The following CYP19A1 variants were observed in gnomAD, a reference collection of about 807,000 sequenced individuals.
The protein encoded by CYP19A1 is cytochrome P450 family 19 subfamily A member 1.
CYP19A1 carries 32 observed loss-of-function variants against 44.4 expected under a neutral mutation model. The observed-to-expected ratio is 0.72, with a 90% CI of 0.54 to 0.97. The LOEUF (loss-of-function observed/expected upper bound fraction) is 0.97. CYP19A1 is among the 50% of genes least tolerant of loss of function. CYP19A1 has a pLI of 0.00. For synonymous variants in CYP19A1, 212 were observed against 215.6 expected, an observed-to-expected ratio of 0.98 and a Z score of 0.14; for missense variants, 598 against 637.8, an observed-to-expected ratio of 0.94 and a Z score of 0.67.
In CYP19A1 at chr15:51,242,829, G is replaced by T; in HGVS notation, c.84C>A (p.Val28=). The part of the protein sequence containing the change: ...PEAMPAATMP[V]LLLTGLFLLV... ...AGAGAAAAAGGCCAGTGAGGAGCAG[G>T]ACTGGCATGGTGGCAGCAGGCATGG... is the stretch of plus-strand genomic sequence containing the variant. The change falls in exon 2 of 10, where the codon GTC becomes GTA. Residue 28 remains valine, a synonymous_variant. Transcript: ENST00000396402. 1 of 1,578,888 alleles carries T rather than the reference G, an allele frequency of 6.3e-7. No homozygotes were observed.
intron 1 of CYP19A1, chr15:51,320,502 G>C (rs1018010586): frequency 6.6e-6 from 1 of 152,282 alleles, no homozygotes; most frequent in Non-Finnish European, 1.5e-5. Flanking sequence ...TGCCAGGTGA[G>C]TGAGGAGACC....
At position 51,280,240 on chromosome 15, in the gene CYP19A1, C is replaced by T. The variant is rs369866448; in HGVS notation, c.-38-37290G>A. On this transcript the variant is annotated intron_variant, in intron 1 of 9. Coordinates refer to ENST00000396402, the MANE Select transcript of CYP19A1 (RefSeq NM_000103.4). ...CCTCCAGAGTAGCTGGGACTACAGGCGCCCGCCACCATGCCCGGCTAATTT... is the reference window on the plus strand; with the variant it reads ...CCTCCAGAGTAGCTGGGACTACAGGTGCCCGCCACCATGCCCGGCTAATTT... 2.3e-4 allele frequency among the ~76,000 whole-genome samples: 35 copies of T among 151,018 alleles called. No homozygotes were observed. In the East Asian group the frequency reaches 2.6e-3, roughly 11 times the overall value.
intron 5 of CYP19A1, among the ~76,000 whole-genome samples, chr15:51,221,041 T>C (rs978198553): frequency 3.9e-5 from 6 of 152,028 alleles, no homozygotes; most frequent in Non-Finnish European, 8.8e-5. Flanking sequence ...TATTCACTAC[T>C]AGGGTTACAA....
At chr15:51,214,768 G>A (rs1001047907) in intron 8 of CYP19A1, among the ~76,000 whole-genome samples, 3 of 152,250 alleles carry the variant, frequency 2.0e-5, no homozygotes, top group Non-Finnish European at 4.4e-5. Context: ...TGCCACTGGA[G>A]AGGGGAGATG....
chr15:51,299,833 A>C (rs2036076126), intron 1 of CYP19A1, among the ~76,000 whole-genome samples: 1 of 152,160 alleles, frequency 6.6e-6, no homozygotes, highest in Admixed American at 6.5e-5. Context: ...GCACCCAACC[A>C]AATGGTTGTT....
intron 3 of CYP19A1, among the ~76,000 whole-genome samples, chr15:51,230,467 C>A (rs1191047199): frequency 6.6e-6 from 1 of 152,120 alleles, no homozygotes. Context: ...GATGGCAAAC[C>A]TATTGTCTGT....
intron 1 of CYP19A1, among the ~76,000 whole-genome samples, chr15:51,267,240 G>C (rs71471599): frequency 6.6e-6 from 1 of 152,186 alleles, no homozygotes; most frequent in African/African-American, 2.4e-5. Context: ...TCGGGCACTA[G>C]GCGAGGCAGG....
chr15:51,219,729 G>A (rs2031905921), intron 5 of CYP19A1, among the ~76,000 whole-genome samples: 1 of 152,212 alleles, frequency 6.6e-6, no homozygotes, highest in African/African-American at 2.4e-5. Flanking sequence ...CAGCATCATA[G>A]TCTGCATCCA....
chr15:51,299,384 C>T (rs2036066123), intron 1 of CYP19A1, among the ~76,000 whole-genome samples: 1 of 152,228 alleles, frequency 6.6e-6, no homozygotes, highest in Non-Finnish European at 1.5e-5. Context: ...TTCTAATCCC[C>T]CTTGGCCAGT....
At chr15:51,335,815 C>T (rs1232387390) in intron 1 of CYP19A1, among the ~76,000 whole-genome samples, 1 of 152,206 alleles carries the variant, frequency 6.6e-6, no homozygotes, top group South Asian at 2.1e-4. Context: ...ACAGTAAAGG[C>T]CTCAGCCCTA....
chr15:51,274,828 C>G (rs1351950373), intron 1 of CYP19A1, among the ~76,000 whole-genome samples: 2 of 152,016 alleles, frequency 1.3e-5, no homozygotes, highest in Non-Finnish European at 2.9e-5. Context: ...AAGATTGATC[C>G]CTTTGTCAGG....
intron 1 of CYP19A1, among the ~76,000 whole-genome samples, chr15:51,257,985 T>C (rs1160652743): frequency 6.6e-6 from 1 of 152,272 alleles, no homozygotes; most frequent in Non-Finnish European, 1.5e-5. Flanking sequence ...AAGCACCTTT[T>C]AGCCAATAGT....
At chr15:51,242,533 G>A (rs2141122594) in intron 2 of CYP19A1, among the ~76,000 whole-genome samples, 1 of 152,176 alleles carries the variant, frequency 6.6e-6, no homozygotes, top group South Asian at 2.1e-4. Context: ...CTTTACGAAA[G>A]CACAGCACAG....
chr15:51,277,725 GAAAT>G (rs2035363302), intron 1 of CYP19A1, among the ~76,000 whole-genome samples: 1 of 151,990 alleles, frequency 6.6e-6, no homozygotes, highest in African/African-American at 2.4e-5. Context: ...AAAACCTACA[GAAAT>G]AAATTCTGAA....
At chr15:51,325,610 T>C (rs909115516) in intron 1 of CYP19A1, among the ~76,000 whole-genome samples, 23 of 151,978 alleles carry the variant, frequency 1.5e-4, no homozygotes, top group Middle Eastern at 6.8e-3. Context: ...GAGGCCGAGG[T>C]GGGCGGATCA....
At chr15:51,309,873 C>T (rs928043865) in intron 1 of CYP19A1, among the ~76,000 whole-genome samples, 5 of 152,152 alleles carry the variant, frequency 3.3e-5, no homozygotes, top group African/African-American at 1.2e-4. Context: ...CCATGAGCTA[C>T]TTGAGGGTGG....
intron 1 of CYP19A1, among the ~76,000 whole-genome samples, chr15:51,307,507 A>C (rs1209217688): frequency 6.6e-6 from 1 of 152,190 alleles, no homozygotes; most frequent in African/African-American, 2.4e-5. Flanking sequence ...AGATTTAAAA[A>C]ATTAGTCATG....
At chr15:51,290,285 G>C (rs1377089296) in intron 1 of CYP19A1, among the ~76,000 whole-genome samples, 1 of 152,214 alleles carries the variant, frequency 6.6e-6, no homozygotes, top group Admixed American at 6.5e-5. Flanking sequence ...GAGCAGCCAT[G>C]GTGGTGAACA....
chr15:51,262,562 G>A (rs914519343), intron 1 of CYP19A1, among the ~76,000 whole-genome samples: 17 of 152,200 alleles, frequency 1.1e-4, no homozygotes, highest in African/African-American at 3.9e-4. Context: ...CTGACAGTTA[G>A]TCTTCCAAAA....
Sources: gnomAD v4.1 joint callset for allele counts (sites outside exome capture counted in the v4.1 genomes callset) on GRCh38, gnomAD v4.1.1 for gene constraint, MANE v1.5 for transcripts, NCBI Gene and HGNC (gene_info 2026-07-23, HGNC 2026-07-21) for gene names.